ADGRB3: variants seen among roughly 807,000 people sequenced by gnomAD.
ADGRB3 encodes brain-specific angiogenesis inhibitor 3.
ADGRB3 carries 37 observed loss-of-function variants against 193.4 expected under a neutral mutation model. The observed-to-expected ratio is 0.19, with a 90% confidence interval of 0.15 to 0.25. The LOEUF is 0.25. Among genes scored for constraint, ADGRB3 ranks in the 10% least tolerant of loss-of-function variants. The pLI, the probability that ADGRB3 is intolerant of heterozygous loss-of-function variation, is 1.00. For missense variants in ADGRB3, 1,637 were observed against 1,852.9 expected (o/e 0.88, Z 2.14); for synonymous variants, 690 against 644.2 (o/e 1.07, Z -1.08).
At chr6:68,775,221 T>C (rs1766715431) in intron 3 of ADGRB3, among the ~76,000 whole-genome samples, 1 of 151,152 alleles carries the variant, frequency 6.6e-6, no homozygotes, top group African/African-American at 2.4e-5. Flanking sequence ...CATTTCCCAG[T>C]GGCTCCTGGC....
chr6:69,022,905 G>A (rs1770313977), intron 13 of ADGRB3, among the ~76,000 whole-genome samples: 3 of 151,950 alleles, frequency 2.0e-5, no homozygotes, highest in African/African-American at 7.2e-5. Flanking sequence ...TTTGTCCAAA[G>A]TTACAGTGAT....
chr6:68,781,205 A>G (rs1352960655), intron 3 of ADGRB3, among the ~76,000 whole-genome samples: 2 of 152,114 alleles, frequency 1.3e-5, no homozygotes, highest in Non-Finnish European at 1.5e-5. Flanking sequence ...CACCATTTAT[A>G]TCAGGATCTT....
intron 17 of ADGRB3, among the ~76,000 whole-genome samples, chr6:69,118,562 A>G (rs991345946): frequency 1.3e-5 from 2 of 152,038 alleles, no homozygotes; most frequent in African/African-American, 4.8e-5. Context: ...TGAAGCCTAA[A>G]TTGCATTTAG....
At chr6:68,914,508 C>T (rs1766820698) in intron 3 of ADGRB3, among the ~76,000 whole-genome samples, 1 of 152,062 alleles carries the variant, frequency 6.6e-6, no homozygotes, top group South Asian at 2.1e-4. Flanking sequence ...GATTTTGTCA[C>T]CACCAGGCCT....
rs755659998 is a variant in ADGRB3 at position 68,974,642 on chromosome 6, A to G, written c.1526-121A>G. 3.6e-5 allele frequency: 26 copies of G among 720,144 alleles called. 1 individual carries two copies. The highest frequency in any genetic ancestry group is 2.0e-4 in the Admixed American group (7 of 35,064). The allele number at this position is 720,144 out of a possible 1,614,324, so 44.6% of individuals were successfully genotyped here. ...AGAGTGAGACCCCATCTCTAAAAAA[A>G]AGAAAGAAAAAAAAAGAAAACTAAA... On this transcript the variant is annotated intron_variant, in intron 8 of 31. Coordinates refer to ENST00000370598, the MANE Select transcript of ADGRB3 (RefSeq NM_001704.3).
chr6:68,841,626 T>C (rs1768160651), intron 3 of ADGRB3, among the ~76,000 whole-genome samples: 1 of 152,162 alleles, frequency 6.6e-6, no homozygotes, highest in African/African-American at 2.4e-5. Flanking sequence ...GAGGAGAGTT[T>C]ATAGTTCTGA....
At chr6:68,685,719 A>T (rs1282953063) in intron 3 of ADGRB3, among the ~76,000 whole-genome samples, 1 of 151,954 alleles carries the variant, frequency 6.6e-6, no homozygotes, top group South Asian at 2.1e-4. Flanking sequence ...TCTACTAAAA[A>T]AAATACAAAA....
intron 13 of ADGRB3, among the ~76,000 whole-genome samples, chr6:69,047,002 T>C (rs1456729500): frequency 2.0e-5 from 3 of 152,040 alleles, no homozygotes; most frequent in African/African-American, 7.2e-5. Context: ...GGACTACAGA[T>C]GCCCACCACC....
chr6:68,717,082 G>A lies in ADGRB3; in HGVS notation c.757+77650G>A, dbSNP rs9446053. On this transcript the variant is annotated intron_variant, in intron 3 of 31. Transcript: ENST00000370598. Reference sequence around the variant, plus strand: ...TACTCAAGAATGTTTTGTTGAAATGGCCCTCTCTTTCAAAAAGTACCACTA... The same window carrying A: ...TACTCAAGAATGTTTTGTTGAAATGACCCTCTCTTTCAAAAAGTACCACTA... Among the ~76,000 whole-genome samples the A allele has an allele frequency of 9.8e-3, 1,481 of 151,578 alleles. 31 individuals are homozygous for A. The highest frequency in any genetic ancestry group is 0.034 in the African/African-American group (1,426 of 41,428).
chr6:69,273,234 T>C (rs1158346223), intron 20 of ADGRB3, among the ~76,000 whole-genome samples: 1 of 152,110 alleles, frequency 6.6e-6, no homozygotes, highest in African/African-American at 2.4e-5. Context: ...CCATAAAAAT[T>C]CACTTCTGTG....
At chr6:68,847,993 T>C (rs1171590367) in intron 3 of ADGRB3, among the ~76,000 whole-genome samples, 13 of 151,768 alleles carry the variant, frequency 8.6e-5, no homozygotes, top group Non-Finnish European at 5.9e-5. Context: ...AACTGAGAAA[T>C]TAAATCTAAA....
intron 10 of ADGRB3, among the ~76,000 whole-genome samples, chr6:68,987,552 A>G (rs1463253836): frequency 6.6e-6 from 1 of 152,128 alleles, no homozygotes. Context: ...ATATTGTCAA[A>G]ATGCTTATTT....
At chr6:68,667,656 A>G (rs1288484824) in intron 3 of ADGRB3, among the ~76,000 whole-genome samples, 1 of 151,912 alleles carries the variant, frequency 6.6e-6, no homozygotes, top group Non-Finnish European at 1.5e-5. Context: ...TTTTATACCT[A>G]GGATCCCAAG....
intron 3 of ADGRB3, among the ~76,000 whole-genome samples, chr6:68,709,151 G>T (rs1037298855): frequency 1.3e-5 from 2 of 152,132 alleles, no homozygotes; most frequent in Non-Finnish European, 2.9e-5. Context: ...ATACCTTGAA[G>T]CAAATGAGAT....
intron 3 of ADGRB3, among the ~76,000 whole-genome samples, chr6:68,814,547 G>A (rs891447301): frequency 1.2e-4 from 18 of 152,116 alleles, no homozygotes; most frequent in Non-Finnish European, 2.2e-4. Flanking sequence ...AAGCTCTTCA[G>A]TTTAATTAGA....
chr6:68,681,074 G>T (rs1283455028), intron 3 of ADGRB3, among the ~76,000 whole-genome samples: 1 of 152,034 alleles, frequency 6.6e-6, no homozygotes, highest in East Asian at 1.9e-4. Context: ...AGGCTAAGGG[G>T]AATAGGCAGA....
At chr6:68,921,289 A>G (rs1048122528) in intron 3 of ADGRB3, among the ~76,000 whole-genome samples, 1 of 152,210 alleles carries the variant, frequency 6.6e-6, no homozygotes, top group African/African-American at 2.4e-5. Flanking sequence ...GCAAAATGAC[A>G]CTAAGGGGCT....
At chr6:69,332,138 T>G (rs1224645868) in intron 23 of ADGRB3, 8 of 985,276 alleles carry the variant, frequency 8.1e-6, no homozygotes, top group African/African-American at 3.5e-5. Flanking sequence ...GTTGGTAGAT[T>G]AGAGAACTGT....
chr6:68,721,236 A>G (rs1029817179), intron 3 of ADGRB3, among the ~76,000 whole-genome samples: 12 of 151,996 alleles, frequency 7.9e-5, no homozygotes, highest in African/African-American at 2.4e-4. Flanking sequence ...CAAATGTCCA[A>G]CAATGATAGA....
Sources: allele counts gnomAD v4.1 joint callset (sites outside exome capture counted in the v4.1 genomes callset), GRCh38; gene constraint gnomAD v4.1.1; transcripts MANE v1.5; gene names NCBI Gene and HGNC (gene_info 2026-07-23, HGNC 2026-07-21).